The following SCHIP1 variants were observed in gnomAD, a reference collection of about 807,000 sequenced individuals.
SCHIP1 encodes the protein schwannomin-interacting protein 1.
SCHIP1 carries 8 observed loss-of-function variants against 29.7 expected under a neutral mutation model. That is an observed-to-expected ratio of 0.27 (90% CI 0.16 to 0.49). SCHIP1 has a LOEUF of 0.49. Among genes scored for constraint, SCHIP1 ranks in the 20% least tolerant of loss-of-function variants. The pLI is 0.99. For missense variants in SCHIP1, 193 were observed against 294.6 expected (o/e 0.66, Z 2.52); for synonymous variants, 76 against 94.9 (o/e 0.80, Z 1.16).
the SCHIP1 span, among the ~76,000 whole-genome samples, chr3:159,640,148 A>G: frequency 6.6e-6 from 1 of 152,132 alleles, no homozygotes; most frequent in Non-Finnish European, 1.5e-5. Context: ...GGCCTGTTAT[A>G]TTTTAGAGAT....
At chr3:159,877,218 C>T (rs929787225) in intron 2 of SCHIP1, among the ~76,000 whole-genome samples, 6 of 152,058 alleles carry the variant, frequency 3.9e-5, no homozygotes, top group Non-Finnish European at 5.9e-5. Flanking sequence ...GGAGTGGTGG[C>T]GGGCGCCTAT....
At chr3:159,738,433 A>C in the SCHIP1 span, among the ~76,000 whole-genome samples, 1 of 152,226 alleles carries the variant, frequency 6.6e-6, no homozygotes, top group Non-Finnish European at 1.5e-5. Context: ...TGACTTAGTA[A>C]GAAGGTAATG....
the SCHIP1 span, among the ~76,000 whole-genome samples, chr3:159,832,807 C>G: frequency 3.9e-5 from 6 of 152,180 alleles, no homozygotes; most frequent in African/African-American, 1.4e-4. Flanking sequence ...CTACCCTTAT[C>G]TGCAGTCTCA....
chr3:159,372,382 G>A, the SCHIP1 span, among the ~76,000 whole-genome samples: 1 of 152,048 alleles, frequency 6.6e-6, no homozygotes, highest in African/African-American at 2.4e-5. Flanking sequence ...TAAGATTTAT[G>A]GAGGCTGAAG....
intron 2 of SCHIP1, among the ~76,000 whole-genome samples, chr3:159,884,349 CTGTGTGTGTGTGTG>C (rs10661642): frequency 1.0e-4 from 14 of 140,652 alleles, no homozygotes; most frequent in Middle Eastern, 3.6e-3. Flanking sequence ...GTGTCTGTGT[CTGTGTGTGTGTGTG>C]TGTGTGTGTG....
the SCHIP1 span, among the ~76,000 whole-genome samples, chr3:159,295,264 A>AC: frequency 4.1e-5 from 6 of 145,402 alleles, no homozygotes; most frequent in Non-Finnish European, 6.0e-5. Flanking sequence ...AAAAAAAAAA[A>AC]AAAAAAAAAA....
chr3:159,810,170 C>T, the SCHIP1 span, among the ~76,000 whole-genome samples: 7 of 152,218 alleles, frequency 4.6e-5, no homozygotes, highest in South Asian at 6.2e-4. Flanking sequence ...CTCGGCCTCC[C>T]GAGTAGCTGG....
At chr3:159,758,313 T>C in the SCHIP1 span, among the ~76,000 whole-genome samples, 1 of 152,104 alleles carries the variant, frequency 6.6e-6, no homozygotes, top group East Asian at 1.9e-4. Flanking sequence ...CCACCATGCC[T>C]GGCTAATTTT....
At chr3:159,837,163 A>G (rs1337075577), upstream of SCHIP1, among the ~76,000 whole-genome samples, 2 of 152,040 alleles carry the variant, frequency 1.3e-5, no homozygotes, top group African/African-American at 4.8e-5. Flanking sequence ...TATGTAATAT[A>G]TCCCATTGTC....
chr3:159,616,420 G>T, the SCHIP1 span, among the ~76,000 whole-genome samples: 1 of 152,118 alleles, frequency 6.6e-6, no homozygotes, highest in Non-Finnish European at 1.5e-5. Flanking sequence ...GCATTCTGAG[G>T]CTTTCCCTTG....
At chr3:159,756,494 C>T in the SCHIP1 span, among the ~76,000 whole-genome samples, 1 of 152,170 alleles carries the variant, frequency 6.6e-6, no homozygotes, top group African/African-American at 2.4e-5. Flanking sequence ...CACTTTTACC[C>T]CCTAGGCTTG....
chr3:159,283,162 A>T, the SCHIP1 span, among the ~76,000 whole-genome samples: 1 of 151,776 alleles, frequency 6.6e-6, no homozygotes, highest in Non-Finnish European at 1.5e-5. Flanking sequence ...TATATTTTTT[A>T]TTTTTTTTGA....
chr3:159,279,490 A>G, the SCHIP1 span, among the ~76,000 whole-genome samples: 2 of 152,204 alleles, frequency 1.3e-5, no homozygotes, highest in African/African-American at 4.8e-5. Context: ...AATATCCTAC[A>G]GGTTACATAG....
the SCHIP1 span, among the ~76,000 whole-genome samples, chr3:159,455,288 G>C: frequency 6.6e-6 from 1 of 152,126 alleles, no homozygotes; most frequent in Non-Finnish European, 1.5e-5. Context: ...TTCCATACAG[G>C]TGAATGTTAG....
At chr3:159,327,976 A>C in the SCHIP1 span, among the ~76,000 whole-genome samples, 1 of 152,192 alleles carries the variant, frequency 6.6e-6, no homozygotes, top group Non-Finnish European at 1.5e-5. Flanking sequence ...ACTTGGTTAG[A>C]AGGAAACCCT....
At chr3:159,334,900 C>CT in the SCHIP1 span, among the ~76,000 whole-genome samples, 89 of 146,134 alleles carry the variant, frequency 6.1e-4, no homozygotes, top group South Asian at 2.4e-3. Flanking sequence ...TCTTCTTCTT[C>CT]TTTTTTTTTT....
chr3:159,280,154 C>T, the SCHIP1 span, among the ~76,000 whole-genome samples: 1 of 152,154 alleles, frequency 6.6e-6, no homozygotes, highest in Admixed American at 6.5e-5. Context: ...TCCAGTGTCC[C>T]TGATGTTGTA....
the SCHIP1 span, among the ~76,000 whole-genome samples, chr3:159,382,702 A>T: frequency 2.0e-5 from 3 of 151,724 alleles, no homozygotes; most frequent in South Asian, 6.2e-4. Flanking sequence ...ACAATGGTTG[A>T]ACTAGTTTAC....
the SCHIP1 span, among the ~76,000 whole-genome samples, chr3:159,368,046 T>C: frequency 6.6e-6 from 1 of 151,994 alleles, no homozygotes; most frequent in Non-Finnish European, 1.5e-5. Flanking sequence ...TTAGGAGGAG[T>C]CTTTCTAACC....
Sources: allele counts gnomAD v4.1 joint callset (sites outside exome capture counted in the v4.1 genomes callset), GRCh38; gene constraint gnomAD v4.1.1; transcripts MANE v1.5; gene names NCBI Gene and HGNC (gene_info 2026-07-23, HGNC 2026-07-21).